Variants in NAA20 observed in about 807,000 individuals in gnomAD.
NAA20 encodes the protein N-alpha-acetyltransferase 20, NatB catalytic subunit.
In NAA20, 24 loss-of-function variants were observed where a neutral mutation model predicts 23.8. The observed-to-expected ratio is 1.01, with a 90% CI of 0.73 to 1.42. The LOEUF is 1.42. NAA20 is among the 40% of genes most tolerant of loss of function. The probability of loss-of-function intolerance (pLI) is 0.00; values close to 1 mark genes in which losing one functional copy is unlikely to be tolerated. For missense variants in NAA20, 166 were observed against 223.1 expected, an observed-to-expected ratio of 0.74 and a Z score of 1.63; for synonymous variants, 83 against 77.7, an observed-to-expected ratio of 1.07 and a Z score of -0.36.
At chr20:20,030,480 T>C (rs1161158248) in intron 4 of NAA20, among the ~76,000 whole-genome samples, 1 of 152,178 alleles carries the variant, frequency 6.6e-6, no homozygotes, top group African/African-American at 2.4e-5. Context: ...CACTGAATGC[T>C]TTCCTTTTGA....
intron 4 of NAA20, among the ~76,000 whole-genome samples, chr20:20,031,175 A>G (rs1319405626): frequency 2.0e-5 from 3 of 152,206 alleles, no homozygotes; most frequent in Non-Finnish European, 2.9e-5. Flanking sequence ...GAACAACAAC[A>G]AAAATGGGTG....
chr20:20,021,038 C>CGGG (rs11087300), intron 1 of NAA20, among the ~76,000 whole-genome samples: 1 of 58,886 alleles, frequency 1.7e-5, no homozygotes, highest in African/African-American at 5.9e-5. Flanking sequence ...GTTCGGTGGG[C>CGGG]GGGGGGGGGG....
In NAA20 at chr20:20,018,931, A is replaced by C. The variant is rs1601122413; in HGVS notation, c.53+1482A>C. On this transcript the variant is annotated intron_variant, in intron 1 of 5. Transcript: ENST00000334982. ...ATTGGCTCTGGAGCAGTGGTTCTGA[A>C]AGACTTGGTGCCTGTGGTCAGGGGA... The C allele has an allele frequency of 8.1e-6, 8 of 985,254 alleles. No homozygotes were observed. In the South Asian group the frequency reaches 2.3e-4, roughly 29 times the overall value. 61.0% of individuals were successfully genotyped at this position (985,254 alleles called of 1,614,324 possible).
intron 4 of NAA20, among the ~76,000 whole-genome samples, chr20:20,031,054 A>G (rs1229748200): frequency 6.6e-6 from 1 of 152,260 alleles, no homozygotes; most frequent in Non-Finnish European, 1.5e-5. Context: ...AATCGACCGC[A>G]GTTCCAATGT....
intron 4 of NAA20, among the ~76,000 whole-genome samples, chr20:20,029,614 C>A (rs1422445447): frequency 1.4e-5 from 1 of 71,366 alleles, no homozygotes. Context: ...GAGACTCCAT[C>A]TCAAAAAAAA....
intron 4 of NAA20, among the ~76,000 whole-genome samples, chr20:20,031,059 C>T (rs2043340331): frequency 6.6e-6 from 1 of 152,168 alleles, no homozygotes; most frequent in South Asian, 2.1e-4. Flanking sequence ...ACCGCAGTTC[C>T]AATGTAATTG....
At chr20:20,023,325 A>AG (rs1414530170) in intron 2 of NAA20, among the ~76,000 whole-genome samples, 1 of 151,812 alleles carries the variant, frequency 6.6e-6, no homozygotes, top group East Asian at 1.9e-4. Context: ...AAAAAAAAAA[A>AG]AAAGGAGAGT....
At chr20:20,029,789 C>G (rs1057081043) in intron 4 of NAA20, among the ~76,000 whole-genome samples, 1 of 152,026 alleles carries the variant, frequency 6.6e-6, no homozygotes, top group Non-Finnish European at 1.5e-5. Flanking sequence ...AGAAATTTGT[C>G]AAGCCTATAG....
intron 4 of NAA20, among the ~76,000 whole-genome samples, chr20:20,030,479 C>G (rs2043335314): frequency 6.6e-6 from 1 of 152,102 alleles, no homozygotes; most frequent in Non-Finnish European, 1.5e-5. Context: ...ACACTGAATG[C>G]TTTCCTTTTG....
chr20:20,028,678 C>T (rs2043322659), intron 4 of NAA20, among the ~76,000 whole-genome samples: 1 of 152,000 alleles, frequency 6.6e-6, no homozygotes, highest in Non-Finnish European at 1.5e-5. Context: ...TATACATATA[C>T]ACATACATGA....
chr20:20,033,591 A>G lies in NAA20; in HGVS notation c.*404A>G, dbSNP rs540477712. On this transcript the variant is annotated 3_prime_UTR_variant, in exon 6 of 6. Coordinates refer to ENST00000334982, the MANE Select transcript of NAA20 (RefSeq NM_016100.5). ...AGCTTTAAAAGCATATATGAAATGT[A>G]TAAATCTAAGATGTATAATACATTA... 3 of 158,984 alleles carry G rather than the reference A, an allele frequency of 1.9e-5. No homozygotes were observed. Among genetic ancestry groups the G allele is most frequent in the South Asian group, 3.8e-4 (2 of 5,326 alleles). 9.8% of individuals were successfully genotyped at this position (158,984 alleles called of 1,614,324 possible).
At chr20:20,021,145 C>T (rs570871052) in intron 1 of NAA20, among the ~76,000 whole-genome samples, 6 of 151,252 alleles carry the variant, frequency 4.0e-5, no homozygotes, top group South Asian at 2.1e-4. Flanking sequence ...TGCGGGTGGG[C>T]AGACAAGAGG....
In NAA20 at chr20:20,032,427, C is replaced by T. The variant is rs1432637636; in HGVS notation, c.306-81C>T. 7 of 1,415,066 alleles carry T rather than the reference C, an allele frequency of 4.9e-6. No individual in the cohort carries two copies. The South Asian group carries it at 6.7e-5, about 14-fold the overall frequency. The allele number at this position is 1,415,066 out of a possible 1,614,324, so 87.7% of individuals were successfully genotyped here. A position where few individuals can be genotyped will look rare whatever the true frequency, so the allele number is the denominator to read the frequency against. On this transcript the variant is annotated intron_variant, in intron 4 of 5. Coordinates refer to ENST00000334982, the MANE Select transcript of NAA20 (RefSeq NM_016100.5). ...TAGTAGTCAAAGCAAGGTAAAAACACGTTTTAAAAAAAATATGTATCTATT... is the reference window on the plus strand; with the variant it reads ...TAGTAGTCAAAGCAAGGTAAAAACATGTTTTAAAAAAAATATGTATCTATT...
At chr20:20,028,585 G>A (rs1194540521) in intron 4 of NAA20, among the ~76,000 whole-genome samples, 1 of 152,072 alleles carries the variant, frequency 6.6e-6, no homozygotes, top group Non-Finnish European at 1.5e-5. Context: ...AGACCACTAA[G>A]CTCTCTTCCC....
intron 4 of NAA20, among the ~76,000 whole-genome samples, chr20:20,029,257 G>A (rs1027401567): frequency 1.1e-4 from 17 of 152,194 alleles, no homozygotes; most frequent in Middle Eastern, 3.4e-3. Context: ...ATTAATAATA[G>A]TTATAGTTGA....
Position 20,030,331 on chromosome 20 carries a change from G to T in NAA20, c.306-2177G>T, listed in dbSNP as rs555536719. ...CTAAAGGAGAACACTGGTTATTTTAGAAAGTGCAGCAAACTTGATAAAATC... is the reference window on the plus strand; with the variant it reads ...CTAAAGGAGAACACTGGTTATTTTATAAAGTGCAGCAAACTTGATAAAATC... On this transcript the variant is annotated intron_variant, in intron 4 of 5. Coordinates refer to ENST00000334982, the MANE Select transcript of NAA20 (RefSeq NM_016100.5). Among the ~76,000 whole-genome samples the T allele has an allele frequency of 3.3e-5, 5 of 151,984 alleles. No individual in the cohort carries two copies. The South Asian group carries it at 1.0e-3, about 32-fold the overall frequency.
chr20:20,020,173 G>T (rs2043257860), intron 1 of NAA20, among the ~76,000 whole-genome samples: 1 of 152,148 alleles, frequency 6.6e-6, no homozygotes, highest in East Asian at 1.9e-4. Flanking sequence ...TGACTTCATA[G>T]AACACCTGAA....
chr20:20,032,644 G>A lies in NAA20; in HGVS notation c.442G>A (p.Asp148Asn), dbSNP rs775091144. 3.1e-6 allele frequency: 5 copies of A among 1,597,930 alleles called. No individual in the cohort carries two copies. In the South Asian group the frequency reaches 5.8e-5, roughly 18 times the overall value. Residue 148 changes from aspartate to asparagine, a missense_variant, in exon 5 of 6, where the codon GAC (aspartate) becomes AAC (asparagine). Coordinates refer to ENST00000334982, the MANE Select transcript of NAA20 (RefSeq NM_016100.5). ...YSASNGEPDE[D>N]AYDMRKALSR... Reference sequence around the variant, plus strand: ...GGCCAGCAACGGGGAGCCTGATGAGGACGCTTATGGTAAGCTCCCTTCCAT... The same window carrying A: ...GGCCAGCAACGGGGAGCCTGATGAGAACGCTTATGGTAAGCTCCCTTCCAT...
intron 4 of NAA20, among the ~76,000 whole-genome samples, chr20:20,029,438 G>A (rs374110930): frequency 1.2e-4 from 19 of 152,054 alleles, no homozygotes; most frequent in Admixed American, 3.3e-4. Flanking sequence ...CCAACATGGT[G>A]AAATCCCGTC....
Sources: allele counts gnomAD v4.1 joint callset (sites outside exome capture counted in the v4.1 genomes callset), GRCh38; gene constraint gnomAD v4.1.1; transcripts MANE v1.5; gene names NCBI Gene and HGNC (gene_info 2026-07-23, HGNC 2026-07-21).